USP47: variants seen among roughly 807,000 people sequenced by gnomAD.
USP47 encodes the protein ubiquitin carboxyl-terminal hydrolase 47.
In USP47, 35 loss-of-function variants were observed where a neutral mutation model predicts 165.1. The ratio of observed to expected loss-of-function variants is 0.21; its 90% confidence interval spans 0.16 to 0.28. USP47 has a LOEUF of 0.28. USP47 is among the 10% of genes least tolerant of loss of function. The pLI, the probability that USP47 is intolerant of heterozygous loss-of-function variation, is 1.00. For synonymous variants in USP47, 531 were observed against 544.5 expected (o/e 0.98, Z 0.35); for missense variants, 1,277 against 1,607.4 (o/e 0.79, Z 3.52).
At chr11:11,946,391 T>A (rs1855841150) in intron 20 of USP47, among the ~76,000 whole-genome samples, 1 of 152,242 alleles carries the variant, frequency 6.6e-6, no homozygotes. Context: ...TTTGTCTTCC[T>A]ATGACACAGC....
At chr11:11,848,529 T>C (rs2134124309) in intron 1 of USP47, among the ~76,000 whole-genome samples, 1 of 152,264 alleles carries the variant, frequency 6.6e-6, no homozygotes, top group Non-Finnish European at 1.5e-5. Context: ...TCTGCAAATT[T>C]CCCCTCATTT....
At chr11:11,929,902 A>G (rs1286383165) in intron 12 of USP47, 142 bp from the exon 13 acceptor site, 2 of 715,294 alleles carry the variant, frequency 2.8e-6, no homozygotes, top group Non-Finnish European at 4.6e-6. Flanking sequence ...TTATGATTAA[A>G]TTTTGTGAAT....
chr11:11,891,825 G>C, intron 3 of USP47, 143 bp from the exon 4 acceptor site: 1 of 1,037,278 alleles, frequency 9.6e-7, no homozygotes, highest in Non-Finnish European at 1.3e-6. Flanking sequence ...AATTTAGAAA[G>C]TAACACTTTG....
At chr11:11,910,921 GAC>G (rs1852928406) in intron 8 of USP47, among the ~76,000 whole-genome samples, 1 of 152,126 alleles carries the variant, frequency 6.6e-6, no homozygotes, top group Admixed American at 6.6e-5. Context: ...ACACTGAAAT[GAC>G]AAAGATGTTA....
chr11:11,864,900 C>T lies in USP47; in HGVS notation c.40-15277C>T, dbSNP rs74920502. On this transcript the variant is annotated intron_variant, in intron 1 of 27. Transcript: ENST00000527733. The stretch of plus-strand genomic sequence containing the variant: ...GAATGTCTTGATTTCTCTATGATTC[C>T]TGAAGGATATTTTCACTGGAAATGT... Among the ~76,000 whole-genome samples, 1,345 of 152,086 alleles carry T rather than the reference C, an allele frequency of 8.8e-3. 18 individuals are homozygous for T. The highest frequency in any genetic ancestry group is 0.025 in the South Asian group (122 of 4,810).
intron 8 of USP47, among the ~76,000 whole-genome samples, chr11:11,912,586 A>G (rs1423942542): frequency 2.6e-5 from 4 of 152,132 alleles, no homozygotes; most frequent in Admixed American, 6.6e-5. Flanking sequence ...TTCACTGGAT[A>G]CTTGTATCAA....
intron 19 of USP47, 118 bp from the exon 20 acceptor site, chr11:11,942,217 T>A: frequency 8.5e-7 from 1 of 1,172,338 alleles, no homozygotes; most frequent in Non-Finnish European, 1.2e-6. Flanking sequence ...AGAAACTATA[T>A]CATCACACAT....
chr11:11,915,408 T>G (rs1349795121), intron 8 of USP47, among the ~76,000 whole-genome samples: 1 of 152,170 alleles, frequency 6.6e-6, no homozygotes, highest in African/African-American at 2.4e-5. Context: ...GCATAGGAAC[T>G]GTTCAGTCTT....
intron 1 of USP47, among the ~76,000 whole-genome samples, chr11:11,871,700 G>A (rs1178355133): frequency 6.6e-6 from 1 of 151,970 alleles, no homozygotes; most frequent in East Asian, 1.9e-4. Context: ...TGTTTGCACA[G>A]AGTGTCCAGC....
intron 6 of USP47, 82 bp from the exon 7 acceptor site, chr11:11,903,179 TTC>T: frequency 7.5e-7 from 1 of 1,335,626 alleles, no homozygotes; most frequent in Non-Finnish European, 1.0e-6. Flanking sequence ...ACTTCAATAT[TTC>T]TGTCTATTTG....
At chr11:11,898,553 C>G (rs1359537866) in intron 5 of USP47, among the ~76,000 whole-genome samples, 8 of 151,920 alleles carry the variant, frequency 5.3e-5, no homozygotes, top group Non-Finnish European at 1.2e-4. Context: ...GCATGTATTG[C>G]CCTGTAGTGT....
At position 11,949,893 on chromosome 11, in the gene USP47, G is replaced by C; in HGVS notation, c.3353G>C (p.Cys1118Ser). 6.2e-7 allele frequency: 1 copy of C among 1,606,102 alleles called. No individual in the cohort carries two copies. The highest frequency in any genetic ancestry group is 8.5e-7 in the Non-Finnish European group (1 of 1,174,304). Residue 1118 changes from cysteine (C) to serine (S), a missense_variant, in exon 23 of 28, where the codon TGC becomes TCC. Around this residue, in one of 4 missense-constraint regions of USP47, gnomAD observed 909 missense variants for 1,068.1 expected, o/e 0.85. Coordinates refer to ENST00000527733, the MANE Select transcript of USP47 (RefSeq NM_001282659.2). ...YQLLVNEQEP[C>S]KFLLDAVFAK... The stretch of plus-strand genomic sequence containing the variant: ...TGTTTATGTTTATATTTCTAGCCAT[G>C]CAAGTTTCTGCTAGATGCTGTGTTT...
At chr11:11,936,893 T>A (rs530980458) in intron 17 of USP47, among the ~76,000 whole-genome samples, 64 of 151,976 alleles carry the variant, frequency 4.2e-4, no homozygotes, top group African/African-American at 1.4e-3. Flanking sequence ...TCCAAAAAAG[T>A]ATATTCCCAT....
At chr11:11,924,237 TA>T (rs1854075789) in intron 11 of USP47, among the ~76,000 whole-genome samples, 1 of 152,250 alleles carries the variant, frequency 6.6e-6, no homozygotes, top group African/African-American at 2.4e-5. Flanking sequence ...TATGATCATG[TA>T]TGTAATTTTC....
At chr11:11,889,528 A>G (rs769165925) in intron 3 of USP47, among the ~76,000 whole-genome samples, 1 of 152,200 alleles carries the variant, frequency 6.6e-6, no homozygotes, top group Admixed American at 6.5e-5. Flanking sequence ...TTCAAGGAGA[A>G]CTATAAACTG....
intron 18 of USP47, among the ~76,000 whole-genome samples, chr11:11,940,070 G>T (rs1855356729): frequency 6.6e-6 from 1 of 151,948 alleles, no homozygotes; most frequent in Non-Finnish European, 1.5e-5. Context: ...AAGCCAAGAA[G>T]TTCAACATTT....
intron 1 of USP47, among the ~76,000 whole-genome samples, chr11:11,858,098 C>G (rs1405115787): frequency 1.3e-5 from 2 of 152,222 alleles, no homozygotes; most frequent in African/African-American, 4.8e-5. Flanking sequence ...CCTTTAGCCG[C>G]TGCTGGTGCA....
rs535877013 is a variant in USP47 at position 11,908,601 on chromosome 11, G to T, written c.969+3053G>T. Among the ~76,000 whole-genome samples, 11 of 150,840 alleles carry T rather than the reference G, an allele frequency of 7.3e-5. No individual in the cohort carries two copies. In the South Asian group the frequency reaches 2.1e-3, roughly 29 times the overall value. On this transcript the variant is annotated intron_variant, in intron 8 of 27. Coordinates refer to ENST00000527733, the MANE Select transcript of USP47 (RefSeq NM_001282659.2). ...TAATATCCACAATCAATTTTTATGG[G>T]TTTTTTTTTAGTATGATAACAGGTT...
At chr11:11,934,491 A>G (rs1019794230) in intron 16 of USP47, among the ~76,000 whole-genome samples, 3 of 152,150 alleles carry the variant, frequency 2.0e-5, no homozygotes, top group African/African-American at 7.2e-5. Flanking sequence ...GGAAGAATAT[A>G]CTGGTCCATA....
Sources: allele counts gnomAD v4.1 joint callset (sites outside exome capture counted in the v4.1 genomes callset), GRCh38; gene constraint gnomAD v4.1.1; regional missense constraint gnomAD v4.1.1; transcripts MANE v1.5; gene names NCBI Gene and HGNC (gene_info 2026-07-23, HGNC 2026-07-21).